The following PHLDB2 variants were observed in gnomAD, a reference collection of about 807,000 sequenced individuals.
PHLDB2 encodes the protein pleckstrin homology-like domain family B member 2.
PHLDB2 carries 71 observed loss-of-function variants against 123.6 expected under a neutral mutation model. The observed-to-expected ratio is 0.57, with a 90% CI of 0.47 to 0.70. PHLDB2 has a LOEUF of 0.70. Among genes scored for constraint, PHLDB2 ranks in the 30% least tolerant of loss-of-function variants. PHLDB2 has a pLI of 0.00. For synonymous variants in PHLDB2, 547 were observed against 541.6 expected, an observed-to-expected ratio of 1.01 and a Z score of -0.14; for missense variants, 1,446 against 1,519.5, an observed-to-expected ratio of 0.95 and a Z score of 0.80.
chr3:111,862,630 T>C (rs1007273768), intron 1 of PHLDB2, among the ~76,000 whole-genome samples: 3 of 152,182 alleles, frequency 2.0e-5, no homozygotes, highest in Non-Finnish European at 4.4e-5. Context: ...TTAGGCATCT[T>C]AATCTGATTT....
At chr3:111,783,926 T>C (rs2060581063) in intron 1 of PHLDB2, among the ~76,000 whole-genome samples, 1 of 152,100 alleles carries the variant, frequency 6.6e-6, no homozygotes, top group Non-Finnish European at 1.5e-5. Context: ...GAGGGCTACA[T>C]AAAAATACAG....
intron 1 of PHLDB2, among the ~76,000 whole-genome samples, chr3:111,831,034 G>GAAAGAAAGA (rs1559855393): frequency 0.015 from 666 of 45,900 alleles, 56 homozygotes; most frequent in East Asian, 0.036. Flanking sequence ...AGAAAGAAAG[G>GAAAGAAAGA]AAGGAAGGAA....
In PHLDB2 at chr3:111,880,152, A is replaced by G. The variant is rs564496363; in HGVS notation, c.-14-3912A>G. The stretch of plus-strand genomic sequence containing the variant: ...GGCTTTCATGGCCTTTTCTATAACA[A>G]TGATGGTGTTGTCAATAGGGTAATA... On this transcript the variant is annotated intron_variant, in intron 1 of 17. Coordinates refer to ENST00000431670, the MANE Select transcript of PHLDB2 (RefSeq NM_001134438.2). 3.3e-5 allele frequency among the ~76,000 whole-genome samples: 5 copies of G among 152,106 alleles called. No individual in the cohort carries two copies. The South Asian group carries it at 8.3e-4, about 25-fold the overall frequency.
At chr3:111,954,680 C>A (rs1214283997) in intron 12 of PHLDB2, among the ~76,000 whole-genome samples, 1 of 152,156 alleles carries the variant, frequency 6.6e-6, no homozygotes, top group Non-Finnish European at 1.5e-5. Flanking sequence ...TGTGTTAACA[C>A]AATAGTTTAA....
chr3:111,895,633 C>T (rs1043430758), intron 2 of PHLDB2, among the ~76,000 whole-genome samples: 4 of 151,972 alleles, frequency 2.6e-5, no homozygotes, highest in South Asian at 2.1e-4. Context: ...AGATCACCTG[C>T]GGTCAGGAGT....
Position 111,974,547 on chromosome 3 carries a change from C to T in PHLDB2, c.3746C>T (p.Thr1249Ile), listed in dbSNP as rs757140349. ...ATAGTTACGGGGGCAGAAGGTTACA[C>T]TCACTTCTTGTTGTAGTGAACTGAG... ...DVIVTGAEGY[T>I]HFLL The change falls in exon 18 of 18, where the codon ACT becomes ATT. Residue 1249 changes from threonine to isoleucine, a missense_variant. Physicochemically the swap from Thr to Ile is moderately conservative, Grantham distance 89. Coordinates refer to ENST00000431670, the MANE Select transcript of PHLDB2 (RefSeq NM_001134438.2). 3.7e-6 allele frequency: 6 copies of T among 1,612,450 alleles called. No homozygotes were observed. In the African/African-American group the frequency reaches 8.0e-5, roughly 22 times the overall value.
chr3:111,745,665 G>C lies in PHLDB2; in HGVS notation c.-49+12962G>C, dbSNP rs145977970. On this transcript the variant is annotated intron_variant, in intron 1 of 17. Coordinates refer to the PHLDB2 transcript ENST00000393923. ...TAGTCCCAGCTACTCAGGAGGCTGA[G>C]ACAGGAGAATTGCTTGAGCCCAGGA... Among the ~76,000 whole-genome samples, 293 of 152,298 alleles carry C rather than the reference G, an allele frequency of 1.9e-3. 1 individual carries two copies. The highest frequency in any genetic ancestry group is 6.8e-3 in the Middle Eastern group (2 of 294).
chr3:111,921,659 A>G (rs1213513150), intron 5 of PHLDB2, among the ~76,000 whole-genome samples: 1 of 139,150 alleles, frequency 7.2e-6, no homozygotes, highest in Non-Finnish European at 1.5e-5. Flanking sequence ...GCTGGAGTGC[A>G]GTGGCGCAAT....
intron 12 of PHLDB2, among the ~76,000 whole-genome samples, chr3:111,954,472 T>C (rs1201280256): frequency 6.6e-6 from 1 of 152,218 alleles, no homozygotes; most frequent in Non-Finnish European, 1.5e-5. Flanking sequence ...ACAGAATTCT[T>C]ATAGGCCTTT....
chr3:111,967,706 C>T lies in PHLDB2; in HGVS notation c.3197C>T (p.Ala1066Val). The T allele has an allele frequency of 6.2e-7, 1 of 1,611,228 alleles. No individual in the cohort carries two copies. Among genetic ancestry groups the T allele is most frequent in the Non-Finnish European group, 8.5e-7 (1 of 1,178,928 alleles). ...REREMEAKKR[A>V]LEEEKRRREI... ...CGGGAAATGGAAGCCAAAAAACGAGCCCTGGAAGAAGAAAAACGACGCCGG... is the reference window on the plus strand; with the variant it reads ...CGGGAAATGGAAGCCAAAAAACGAGTCCTGGAAGAAGAAAAACGACGCCGG... Residue 1066 changes from alanine to valine, a missense_variant, in exon 15 of 18, where the codon GCC (alanine) becomes GTC (valine). Ala to Val is a moderately conservative substitution (Grantham distance 64). Around this residue, in one of 3 missense-constraint regions of PHLDB2, gnomAD observed 594 missense variants for 646.0 expected, o/e 0.92. Coordinates refer to ENST00000431670, the MANE Select transcript of PHLDB2 (RefSeq NM_001134438.2).
intron 2 of PHLDB2, among the ~76,000 whole-genome samples, chr3:111,909,347 A>C (rs373117035): frequency 7.2e-5 from 11 of 152,142 alleles, no homozygotes; most frequent in South Asian, 6.2e-4. Context: ...GCAGTGTCTC[A>C]TGTGAGAGGC....
At chr3:111,940,988 G>A (rs548252962) in intron 8 of PHLDB2, among the ~76,000 whole-genome samples, 1 of 152,262 alleles carries the variant, frequency 6.6e-6, no homozygotes, top group Non-Finnish European at 1.5e-5. Context: ...AATTTAGGGT[G>A]GACTTAAGGA....
chr3:111,745,453 A>C (rs2059665600), intron 1 of PHLDB2, among the ~76,000 whole-genome samples: 1 of 152,178 alleles, frequency 6.6e-6, no homozygotes, highest in Admixed American at 6.6e-5. Flanking sequence ...TAATAGTTGG[A>C]GAGGTTGAAG....
At chr3:111,948,099 C>T (rs901762407) in intron 9 of PHLDB2, among the ~76,000 whole-genome samples, 4 of 152,072 alleles carry the variant, frequency 2.6e-5, no homozygotes, top group African/African-American at 9.7e-5. Context: ...TATTTTGATC[C>T]GTGGGTATTT....
intron 1 of PHLDB2, chr3:111,778,463 G>A (rs2060306640): frequency 6.6e-6 from 1 of 152,066 alleles, no homozygotes; most frequent in Non-Finnish European, 1.5e-5. Context: ...AAGCCACCCA[G>A]TGTGTAGTAT....
chr3:111,753,996 G>T (rs1413692902), intron 1 of PHLDB2, among the ~76,000 whole-genome samples: 2 of 152,048 alleles, frequency 1.3e-5, no homozygotes, highest in Non-Finnish European at 2.9e-5. Flanking sequence ...TCTGTTTTGT[G>T]CCATTGATCT....
At chr3:111,968,866 A>G (rs772536203) in intron 15 of PHLDB2, among the ~76,000 whole-genome samples, 1 of 152,214 alleles carries the variant, frequency 6.6e-6, no homozygotes, top group Non-Finnish European at 1.5e-5. Context: ...ACCAAAAAGC[A>G]CAATTCTATT....
intron 2 of PHLDB2, among the ~76,000 whole-genome samples, chr3:111,887,102 CT>C: frequency 1.3e-5 from 2 of 152,174 alleles, no homozygotes. Flanking sequence ...AGAAATTCAT[CT>C]CTGCTAGGTT....
intron 1 of PHLDB2, chr3:111,845,721 A>T: frequency 7.4e-7 from 1 of 1,359,462 alleles, no homozygotes; most frequent in Non-Finnish European, 1.0e-6. Flanking sequence ...CCCGGATGTT[A>T]AACATCTGAG....
Sources: allele counts gnomAD v4.1 joint callset (sites outside exome capture counted in the v4.1 genomes callset), GRCh38; gene constraint gnomAD v4.1.1; regional missense constraint gnomAD v4.1.1; transcripts MANE v1.5; gene names NCBI Gene and HGNC (gene_info 2026-07-23, HGNC 2026-07-21).